The following OVCH1 variants were observed in gnomAD, a reference collection of about 807,000 sequenced individuals.
OVCH1 encodes ovochymase 1, also known as ovochymase-1.
Under a neutral mutation model 138.4 loss-of-function variants are expected in OVCH1, and 139 were observed. The observed-to-expected ratio is 1.00, with a 90% CI of 0.87 to 1.16. OVCH1 has a LOEUF of 1.16. OVCH1 is among the 50% of genes most tolerant of loss of function. OVCH1 has a pLI of 0.00. For synonymous variants in OVCH1, 453 were observed against 467.8 expected (o/e 0.97, Z 0.41); for missense variants, 1,367 against 1,357.9 (o/e 1.01, Z -0.11).
intron 4 of OVCH1, among the ~76,000 whole-genome samples, chr12:29,494,883 C>T (rs1024961449): frequency 6.6e-6 from 1 of 152,004 alleles, no homozygotes; most frequent in Non-Finnish European, 1.5e-5. Flanking sequence ...AGAGGTAAGA[C>T]CTGATGTTTG....
chr12:29,437,114 G>A (rs369418510), intron 26 of OVCH1, among the ~76,000 whole-genome samples: 20 of 152,194 alleles, frequency 1.3e-4, no homozygotes, highest in Middle Eastern at 6.8e-3. Flanking sequence ...TCATTGGTGC[G>A]TTTACAAACC....
At chr12:29,421,154 G>A (rs1327769983) in intron 3 of OVCH1, among the ~76,000 whole-genome samples, 1 of 152,206 alleles carries the variant, frequency 6.6e-6, no homozygotes, top group African/African-American at 2.4e-5. Context: ...CATTGCAGAT[G>A]CAGCACAGCT....
chr12:29,444,480 A>G (rs1941564384), intron 23 of OVCH1, among the ~76,000 whole-genome samples, 200 bp from the exon 24 acceptor site: 1 of 152,076 alleles, frequency 6.6e-6, no homozygotes, highest in Non-Finnish European at 1.5e-5. Context: ...CACATCTCTC[A>G]GATGATCTCT....
intron 1 of OVCH1, 36 bp from the exon 2 acceptor site, chr12:29,496,710 G>T: frequency 6.9e-7 from 1 of 1,446,488 alleles, no homozygotes; most frequent in African/African-American, 1.4e-5. Context: ...CACACACAGA[G>T]CCTTATGTAA....
chr12:29,405,525 C>G, the OVCH1 span, among the ~76,000 whole-genome samples: 1 of 152,158 alleles, frequency 6.6e-6, no homozygotes, highest in Non-Finnish European at 1.5e-5. Flanking sequence ...GGCTAAAACA[C>G]GGATTGCAGA....
intron 14 of OVCH1, 73 bp from the exon 15 acceptor site, chr12:29,473,176 G>A: frequency 8.5e-6 from 9 of 1,053,826 alleles, no homozygotes; most frequent in Middle Eastern, 2.1e-4. Flanking sequence ...GCTTACCCTG[G>A]TAAATCATAA....
chr12:29,407,812 A>G (rs942053158), downstream of OVCH1, among the ~76,000 whole-genome samples: 4 of 150,990 alleles, frequency 2.6e-5, no homozygotes, highest in African/African-American at 9.7e-5. Context: ...TTCCATATGA[A>G]CTTTAAAGTA....
At chr12:29,407,129 C>T in the OVCH1 span, among the ~76,000 whole-genome samples, 1 of 151,708 alleles carries the variant, frequency 6.6e-6, no homozygotes, top group Non-Finnish European at 1.5e-5. Flanking sequence ...TGTTCATGTC[C>T]TTCGCCCACT....
intron 16 of OVCH1, among the ~76,000 whole-genome samples, chr12:29,466,234 C>G (rs1272403866): frequency 6.6e-6 from 1 of 151,768 alleles, no homozygotes; most frequent in African/African-American, 2.4e-5. Context: ...TACCCTAGAA[C>G]TTAAAGTATA....
chr12:29,449,494 C>T lies in OVCH1; in HGVS notation c.2755+1851G>A, dbSNP rs138825727. Among the ~76,000 whole-genome samples, 988 of 152,138 alleles carry T rather than the reference C, an allele frequency of 6.5e-3. 3 individuals are homozygous for T. Among genetic ancestry groups the T allele is most frequent in the Middle Eastern group, 0.027 (8 of 294 alleles). ...CAATATTGTTGCTTTCTATCCATGA[C>T]CATGGAATGTTTTTCCACTTGTTTG... On this transcript the variant is annotated intron_variant, in intron 22 of 27. Transcript: ENST00000318184.
Position 29,420,393 on chromosome 12 carries a change from A to T in OVCH1, c.*71+2734T>A, listed in dbSNP as rs565519613. Among the ~76,000 whole-genome samples, 3 of 151,868 alleles carry T rather than the reference A, an allele frequency of 2.0e-5. No homozygotes were observed. In the South Asian group the frequency reaches 6.3e-4, roughly 32 times the overall value. On this transcript the variant is annotated intron_variant and NMD_transcript_variant, in intron 3 of 4. Transcript: ENST00000539117. ...GTTCAGAAGCTGATGCACACATGTT[A>T]AGACATCATTATCTCCATTTTATAG...
At chr12:29,496,217 A>G in exon 3 of OVCH1, 1 of 1,609,722 alleles carries the variant, frequency 6.2e-7, no homozygotes, top group South Asian at 1.1e-5. Flanking sequence ...TGCTGTAACA[A>G]CCCGATCTTC....
At chr12:29,405,021 C>CAAAAA in the OVCH1 span, among the ~76,000 whole-genome samples, 66 of 80,392 alleles carry the variant, frequency 8.2e-4, 3 homozygotes, top group African/African-American at 1.2e-3. Context: ...CACTCCACCT[C>CAAAAA]AAAAAAAAAA....
intron 25 of OVCH1, among the ~76,000 whole-genome samples, chr12:29,442,352 C>G (rs1311966712): frequency 6.9e-6 from 1 of 145,724 alleles, no homozygotes; most frequent in Non-Finnish European, 1.5e-5. Flanking sequence ...AATCATCATT[C>G]TCAGTAAACT....
chr12:29,443,503 A>G lies in OVCH1; in HGVS notation c.3018-3T>C, dbSNP rs772202827. On this transcript the variant is annotated splice_polypyrimidine_tract_variant and splice_region_variant and intron_variant, in intron 24 of 27. Coordinates refer to ENST00000318184, the Ensembl canonical transcript of OVCH1. ...GGGCTACTAATCTCCATTGGCAACT[A>G]TGGCATAGATGAAACAAAGTCAGAA... is the stretch of plus-strand genomic sequence containing the variant. 4 of 1,580,514 alleles carry G rather than the reference A, an allele frequency of 2.5e-6. No individual in the cohort carries two copies. Among genetic ancestry groups the G allele is most frequent in the African/African-American group, 1.4e-5 (1 of 73,672 alleles).
In OVCH1 at chr12:29,477,171, A is replaced by C; in HGVS notation, c.1308T>G (p.Tyr436Ter). ...TTGTGTTACTGGGATACAAATCAGG[A>C]TACTTGGCAGAGTGATTTGTCCCTT... is the stretch of plus-strand genomic sequence containing the variant. Residue 436 changes from tyrosine (Y) to a stop codon, truncating the protein, a stop_gained, in exon 12 of 28, where the codon TAT (tyrosine) becomes TAG (stop). Coordinates refer to ENST00000318184, the Ensembl canonical transcript of OVCH1. LOFTEE classifies it high-confidence loss of function. 6.2e-7 allele frequency: 1 copy of C among 1,613,708 alleles called. No homozygotes were observed. The highest frequency in any genetic ancestry group is 8.5e-7 in the Non-Finnish European group (1 of 1,179,772).
At chr12:29,451,413 C>T in exon 22 of OVCH1, 2 of 1,613,180 alleles carry the variant, frequency 1.2e-6, no homozygotes, top group South Asian at 1.1e-5. Flanking sequence ...CACAGGAGAC[C>T]CCAGGAGTGA....
At chr12:29,436,747 T>C (rs1941368284) in intron 26 of OVCH1, among the ~76,000 whole-genome samples, 1 of 151,884 alleles carries the variant, frequency 6.6e-6, no homozygotes, top group South Asian at 2.1e-4. Context: ...GCATCCAGAG[T>C]TGTTTGTTCC....
At chr12:29,488,841 A>C (rs1018685908) in intron 6 of OVCH1, among the ~76,000 whole-genome samples, 2 of 152,140 alleles carry the variant, frequency 1.3e-5, no homozygotes, top group Non-Finnish European at 2.9e-5. Flanking sequence ...TGCAGATAGG[A>C]AAAAGCACCT....
Sources: allele counts gnomAD v4.1 joint callset (sites outside exome capture counted in the v4.1 genomes callset), GRCh38; gene constraint gnomAD v4.1.1; transcripts MANE v1.5; gene names NCBI Gene and HGNC (gene_info 2026-07-23, HGNC 2026-07-21).